The following SLC38A6 variants were observed in gnomAD, a reference collection of about 807,000 sequenced individuals.
The protein encoded by SLC38A6 is N system amino acid transporter NAT-1.
Under a neutral mutation model 65.0 loss-of-function variants are expected in SLC38A6, and 73 were observed. That is an observed-to-expected ratio of 1.12 (90% confidence interval 0.93 to 1.37). The LOEUF is 1.37. Ranked by LOEUF, SLC38A6 falls within the 40% of genes most tolerant of loss-of-function variation. The probability of loss-of-function intolerance (pLI) is 0.00; values close to 1 mark genes in which losing one functional copy is unlikely to be tolerated. For synonymous variants in SLC38A6, 183 were observed against 178.8 expected (o/e 1.02, Z -0.19); for missense variants, 561 against 531.1 (o/e 1.06, Z -0.55).
At chr14:61,055,274 G>A (rs1254145981), downstream of SLC38A6, among the ~76,000 whole-genome samples, 4 of 55,728 alleles carry the variant, frequency 7.2e-5, no homozygotes, top group East Asian at 4.7e-4. Flanking sequence ...CCCCTCCCCC[G>A]ACCCCACCAC....
At chr14:60,997,591 T>C (rs2038385033) in intron 3 of SLC38A6, among the ~76,000 whole-genome samples, 1 of 152,238 alleles carries the variant, frequency 6.6e-6, no homozygotes, top group Non-Finnish European at 1.5e-5. Context: ...TCTTAATTTG[T>C]GTTAACAGTG....
In SLC38A6 at chr14:61,021,222, A is replaced by T. The variant is rs1175265929; in HGVS notation, c.403+1642A>T. Among the ~76,000 whole-genome samples, 9 of 152,320 alleles carry T rather than the reference A, an allele frequency of 5.9e-5. No homozygotes were observed. In the East Asian group the frequency reaches 1.7e-3, roughly 29 times the overall value. The stretch of plus-strand genomic sequence containing the variant: ...AACTTGTTGAGCAGAATAGAGCTGA[A>T]ATGATTTGTATAATCTCTTTCTAAG... On this transcript the variant is annotated intron_variant, in intron 5 of 15. Transcript: ENST00000267488.
chr14:61,039,970 A>G (rs1166418714), intron 8 of SLC38A6, among the ~76,000 whole-genome samples: 1 of 151,970 alleles, frequency 6.6e-6, no homozygotes, highest in Non-Finnish European at 1.5e-5. Context: ...CCCCCTCTAA[A>G]ATATTTTGCA....
chr14:61,007,461 C>T (rs142505256), intron 3 of SLC38A6, among the ~76,000 whole-genome samples: 224 of 152,122 alleles, frequency 1.5e-3, no homozygotes, highest in Middle Eastern at 0.014. Flanking sequence ...GAAACCCTGC[C>T]TATACAAAAA....
intron 12 of SLC38A6, 85 bp from the exon 13 acceptor site, chr14:61,050,427 T>G: frequency 3.4e-6 from 3 of 871,092 alleles, no homozygotes; most frequent in Non-Finnish European, 4.7e-6. Context: ...AAATCTGTTA[T>G]CATCCATTAG....
At chr14:60,982,100 T>C in intron 1 of SLC38A6, 1 of 456,766 alleles carries the variant, frequency 2.2e-6, no homozygotes, top group African/African-American at 2.0e-5. Context: ...AGTTGTGCAG[T>C]CCTAGTAATT....
At chr14:61,040,875 A>T (rs192411603) in intron 8 of SLC38A6, among the ~76,000 whole-genome samples, 3 of 152,332 alleles carry the variant, frequency 2.0e-5, no homozygotes, top group Admixed American at 2.0e-4. Flanking sequence ...TTTAACCTGG[A>T]CACTAGTCTT....
intron 12 of SLC38A6, among the ~76,000 whole-genome samples, chr14:61,049,376 C>G (rs540159272): frequency 6.6e-6 from 1 of 152,122 alleles, no homozygotes; most frequent in Non-Finnish European, 1.5e-5. Flanking sequence ...CTCCTTGCTT[C>G]TAGAGAATCT....
chr14:61,030,408 T>C (rs907652722), intron 5 of SLC38A6, 37 bp from the exon 6 acceptor site: 3 of 1,470,010 alleles, frequency 2.0e-6, no homozygotes, highest in African/African-American at 2.8e-5. Context: ...TTAAGAATCA[T>C]AGAATTCTAA....
chr14:60,985,122 T>G (rs2037362321), intron 3 of SLC38A6, among the ~76,000 whole-genome samples: 1 of 152,152 alleles, frequency 6.6e-6, no homozygotes, highest in Non-Finnish European at 1.5e-5. Flanking sequence ...TATGGAGAAA[T>G]CATTTTCTCA....
In SLC38A6 at chr14:60,995,276, G is replaced by A. The variant is rs139631833; in HGVS notation, c.310+10473G>A. On this transcript the variant is annotated intron_variant, in intron 3 of 15. Transcript: ENST00000267488. ...AAAAATTGTGATATGTACGTACAGT[G>A]CAATATTGTTCAGACTTAAGGAGAT... Among the ~76,000 whole-genome samples the A allele has an allele frequency of 5.2e-3, 785 of 152,280 alleles. 7 individuals carry two copies. Among genetic ancestry groups the A allele is most frequent in the African/African-American group, 0.018 (745 of 41,544 alleles).
At chr14:60,982,100 T>G (rs1398912913) in intron 1 of SLC38A6, 1 of 456,648 alleles carries the variant, frequency 2.2e-6, no homozygotes, top group Non-Finnish European at 4.4e-6. Context: ...AGTTGTGCAG[T>G]CCTAGTAATT....
At chr14:60,981,420 T>A (rs1157159645) in intron 1 of SLC38A6, 38 bp downstream of exon 1, 1 of 1,555,582 alleles carries the variant, frequency 6.4e-7, no homozygotes, top group Non-Finnish European at 8.7e-7. Context: ...GCTGACGCCC[T>A]CCGGCTTCCC....
chr14:61,027,946 T>C (rs2139640967), intron 5 of SLC38A6, among the ~76,000 whole-genome samples: 1 of 151,980 alleles, frequency 6.6e-6, no homozygotes, highest in Non-Finnish European at 1.5e-5. Context: ...ATTATATTTG[T>C]ATCTTGTATG....
rs973651599 is a variant in SLC38A6, at chr14:61,050,526, G to A, written c.940G>A (p.Glu314Lys). 7.2e-6 allele frequency: 11 copies of A among 1,538,222 alleles called. No homozygotes were observed. In the South Asian group the frequency reaches 1.1e-4, roughly 15 times the overall value. Residue 314 changes from glutamate to lysine, a missense_variant, in exon 13 of 16, where the codon GAA (glutamate) becomes AAA (lysine). Coordinates refer to ENST00000267488, the MANE Select transcript of SLC38A6 (RefSeq NM_153811.3). ...TTTATTTACAGACAAAGTGGAGTCA[G>A]AATTACTAAAAGGTTATAGTAAATA... ...YLTFYDKVES[E>K]LLKGYSKYLS... is the part of the protein sequence containing the mutation.
At chr14:61,075,131 G>C (rs2043356456) in intron 15 of SLC38A6, among the ~76,000 whole-genome samples, 3 of 152,158 alleles carry the variant, frequency 2.0e-5, no homozygotes. Flanking sequence ...AAGAGGCAGA[G>C]AGTGCTAACC....
In SLC38A6 at chr14:61,052,595, A is replaced by T. The variant is rs1240539131; in HGVS notation, c.*166A>T. 3.2e-6 allele frequency: 3 copies of T among 933,438 alleles called. No individual in the cohort carries two copies. Among genetic ancestry groups the T allele is most frequent in the Non-Finnish European group, 4.3e-6 (3 of 705,146 alleles). The allele number at this position is 933,438 out of a possible 1,614,324, so 57.8% of individuals were successfully genotyped here. On this transcript the variant is annotated 3_prime_UTR_variant, in exon 16 of 16. Coordinates refer to ENST00000267488, the MANE Select transcript of SLC38A6 (RefSeq NM_153811.3). ...GGGGAAGTAAGAGTGTGGCAGTTTT[A>T]ATCAAAAAAAGAAACAAACTCGAAA... is the stretch of plus-strand genomic sequence containing the variant.
rs551087928 is a variant in SLC38A6, at chr14:61,031,347, A to C, written c.482+824A>C. Among the ~76,000 whole-genome samples the C allele has an allele frequency of 5.3e-5, 8 of 152,226 alleles. No homozygotes were observed. In the East Asian group the frequency reaches 1.5e-3, roughly 29 times the overall value. On this transcript the variant is annotated intron_variant, in intron 6 of 15. Transcript: ENST00000267488. ...TGGGTTGTTCTGCTTCAATAATTGA[A>C]CTTGTTCTGGAATGCAAGGAAAGGT...
intron 6 of SLC38A6, among the ~76,000 whole-genome samples, chr14:61,034,977 T>C (rs1249692092): frequency 6.6e-6 from 1 of 152,190 alleles, no homozygotes; most frequent in African/African-American, 2.4e-5. Flanking sequence ...TAGAAGCCAC[T>C]GGTTGAAATC....
Sources: allele counts gnomAD v4.1 joint callset (sites outside exome capture counted in the v4.1 genomes callset), GRCh38; gene constraint gnomAD v4.1.1; transcripts MANE v1.5; gene names NCBI Gene and HGNC (gene_info 2026-07-23, HGNC 2026-07-21).